PPP2R3A: variants seen among roughly 807,000 people sequenced by gnomAD.
PPP2R3A encodes serine/threonine-protein phosphatase 2A regulatory subunit B'' subunit alpha.
PPP2R3A carries 80 observed loss-of-function variants against 106.9 expected under a neutral mutation model. The ratio of observed to expected loss-of-function variants is 0.75; its 90% CI spans 0.62 to 0.90. PPP2R3A has a LOEUF of 0.90. Ranked by LOEUF, PPP2R3A falls within the 40% of genes least tolerant of loss-of-function variation. The pLI is 0.00. For synonymous variants in PPP2R3A, 483 were observed against 468.3 expected (o/e 1.03, Z -0.41); for missense variants, 1,386 against 1,350.4 (o/e 1.03, Z -0.41).
intron 1 of PPP2R3A, among the ~76,000 whole-genome samples, chr3:135,993,378 T>C (rs1933256016): frequency 6.6e-6 from 1 of 152,176 alleles, no homozygotes; most frequent in Non-Finnish European, 1.5e-5. Flanking sequence ...TCACACTCAC[T>C]AAGATGGCTA....
intron 1 of PPP2R3A, among the ~76,000 whole-genome samples, chr3:135,998,994 C>CA (rs1179131445): frequency 7.2e-5 from 11 of 152,206 alleles, no homozygotes; most frequent in Admixed American, 5.9e-4. Flanking sequence ...ATTGGGGGAG[C>CA]AAAATGGGAG....
intron 1 of PPP2R3A, among the ~76,000 whole-genome samples, chr3:135,985,032 A>G (rs1241557719): frequency 1.3e-5 from 2 of 151,956 alleles, no homozygotes; most frequent in Admixed American, 6.6e-5. Context: ...ATCTTCCACC[A>G]TCTCCCTCCC....
chr3:135,977,308 T>A (rs1357946724), intron 1 of PPP2R3A, among the ~76,000 whole-genome samples: 5 of 152,238 alleles, frequency 3.3e-5, no homozygotes, highest in African/African-American at 4.8e-5. Flanking sequence ...TAAATTGCTC[T>A]TAGAATCAAT....
intron 13 of PPP2R3A, among the ~76,000 whole-genome samples, chr3:136,122,176 C>T (rs1938020363): frequency 6.6e-6 from 1 of 152,076 alleles, no homozygotes; most frequent in Non-Finnish European, 1.5e-5. Context: ...GATGACATAG[C>T]TGGGCACGGT....
At chr3:136,074,122 T>C (rs1936525098) in intron 6 of PPP2R3A, among the ~76,000 whole-genome samples, 2 of 152,238 alleles carry the variant, frequency 1.3e-5, no homozygotes, top group Admixed American at 1.3e-4. Flanking sequence ...TGCATGCTAG[T>C]GTTACTCAGT....
chr3:136,107,277 A>G (rs1399131040), intron 13 of PPP2R3A, among the ~76,000 whole-genome samples: 1 of 139,588 alleles, frequency 7.2e-6, no homozygotes, highest in African/African-American at 3.4e-5. Flanking sequence ...GGCACTATTC[A>G]TATAATATTC....
chr3:136,097,090 T>C (rs1451286922), intron 10 of PPP2R3A, among the ~76,000 whole-genome samples: 4 of 152,184 alleles, frequency 2.6e-5, no homozygotes, highest in Non-Finnish European at 5.9e-5. Flanking sequence ...AATCTAACAC[T>C]AGTGCTCTCT....
chr3:136,146,933 T>C lies in PPP2R3A; in HGVS notation c.*1767T>C, dbSNP rs1939153981. ...TTAAATGTTTTATTATCCATAATGATCTAAACTAATAAGATTCACCAAAAA... is the reference window on the plus strand; with the variant it reads ...TTAAATGTTTTATTATCCATAATGACCTAAACTAATAAGATTCACCAAAAA... On this transcript the variant is annotated 3_prime_UTR_variant, in exon 14 of 14. Transcript: ENST00000264977. 3 of 152,058 alleles carry C rather than the reference T, an allele frequency of 2.0e-5. No individual in the cohort carries two copies. Among genetic ancestry groups the C allele is most frequent in the Admixed American group, 2.0e-4 (3 of 15,268 alleles). 9.4% of individuals were successfully genotyped at this position (152,058 alleles called of 1,614,324 possible).
At chr3:136,032,364 T>G (rs1262148250) in intron 3 of PPP2R3A, among the ~76,000 whole-genome samples, 1 of 152,148 alleles carries the variant, frequency 6.6e-6, no homozygotes, top group Non-Finnish European at 1.5e-5. Context: ...AGCTACTGAT[T>G]CGTGTACATT....
intron 13 of PPP2R3A, among the ~76,000 whole-genome samples, chr3:136,142,369 C>T (rs747200965): frequency 3.3e-5 from 5 of 152,176 alleles, no homozygotes; most frequent in African/African-American, 7.2e-5. Context: ...TGTCCCCTGG[C>T]GGCGGGGGAC....
chr3:136,023,025 A>C (rs748303135), intron 2 of PPP2R3A: 27 of 1,605,596 alleles, frequency 1.7e-5, no homozygotes, highest in Non-Finnish European at 2.3e-5. Flanking sequence ...GATTATCTTC[A>C]GAAGTGTGCT....
Position 136,040,905 on chromosome 3 carries a change from C to G in PPP2R3A, c.2309C>G (p.Ala770Gly), listed in dbSNP as rs1254980517. The stretch of plus-strand genomic sequence containing the variant: ...TGGAAAGCCCCCATGTTCAGGGCTG[C>G]AGGGGGAGAGAAGACAGGATTTGTG... ...LYWKAPMFRA[A>G]GGEKTGFVTA... The change falls in exon 4 of 14, where the codon GCA (alanine) becomes GGA (glycine). Residue 770 changes from alanine (A) to glycine (G), a missense_variant. Coordinates refer to ENST00000264977, the MANE Select transcript of PPP2R3A (RefSeq NM_002718.5). 1 of 1,613,422 alleles carries G rather than the reference C, an allele frequency of 6.2e-7. No homozygotes were observed. The highest frequency in any genetic ancestry group is 1.7e-5 in the Admixed American group (1 of 59,960).
chr3:136,060,596 C>T (rs557709683), intron 5 of PPP2R3A, among the ~76,000 whole-genome samples: 1 of 152,136 alleles, frequency 6.6e-6, no homozygotes, highest in South Asian at 2.1e-4. Flanking sequence ...CTTGCTTCCC[C>T]TTCGCCTTTC....
At chr3:136,009,996 G>A (rs1225906011) in intron 2 of PPP2R3A, among the ~76,000 whole-genome samples, 1 of 152,052 alleles carries the variant, frequency 6.6e-6, no homozygotes, top group African/African-American at 2.4e-5. Context: ...GTACTGTGTG[G>A]CAGTCCTACT....
intron 3 of PPP2R3A, among the ~76,000 whole-genome samples, chr3:136,037,953 C>A (rs923996000): frequency 2.7e-5 from 4 of 150,856 alleles, no homozygotes; most frequent in African/African-American, 7.3e-5. Context: ...AAAAAAAAAA[C>A]AAAAACAAAA....
chr3:135,989,641 G>T (rs1933072642), intron 1 of PPP2R3A, among the ~76,000 whole-genome samples: 1 of 152,008 alleles, frequency 6.6e-6, no homozygotes, highest in Non-Finnish European at 1.5e-5. Context: ...AAAATAGTCA[G>T]AATGCTGCCA....
intron 4 of PPP2R3A, among the ~76,000 whole-genome samples, chr3:136,041,892 A>G (rs6771224): frequency 0.25 from 38,696 of 151,830 alleles, 5,403 homozygotes; most frequent in Non-Finnish European, 0.32. Flanking sequence ...TTTAGGAGTT[A>G]TTTTTTGGTA....
At chr3:135,997,828 A>T (rs998939452) in intron 1 of PPP2R3A, among the ~76,000 whole-genome samples, 8 of 151,904 alleles carry the variant, frequency 5.3e-5, no homozygotes, top group African/African-American at 1.9e-4. Context: ...ACTGTCACCT[A>T]CTTGGTTTAG....
intron 1 of PPP2R3A, among the ~76,000 whole-genome samples, chr3:135,972,141 C>A (rs1018879716): frequency 1.3e-5 from 2 of 152,156 alleles, no homozygotes; most frequent in Non-Finnish European, 2.9e-5. Context: ...CCCCTTTACC[C>A]CTACCGTCTG....
Sources: gnomAD v4.1 joint callset for allele counts (sites outside exome capture counted in the v4.1 genomes callset) on GRCh38, gnomAD v4.1.1 for gene constraint, MANE v1.5 for transcripts, NCBI Gene and HGNC (gene_info 2026-07-23, HGNC 2026-07-21) for gene names.